Variants in CMIP observed in about 807,000 individuals in gnomAD.
CMIP encodes the protein c-Maf inducing protein.
Under a neutral mutation model 97.3 loss-of-function variants are expected in CMIP, and 13 were observed. The observed-to-expected ratio is 0.13, with a 90% CI of 0.09 to 0.21. The LOEUF is 0.21. Ranked by LOEUF, CMIP falls within the 10% of genes least tolerant of loss-of-function variation. CMIP has a pLI of 1.00. For missense variants in CMIP, 847 were observed against 1,024.9 expected (o/e 0.83, Z 2.37); for synonymous variants, 538 against 436.3 (o/e 1.23, Z -2.91).
intron 13 of CMIP, among the ~76,000 whole-genome samples, chr16:81,695,264 C>T (rs1003842672): frequency 1.3e-5 from 2 of 152,238 alleles, no homozygotes; most frequent in African/African-American, 4.8e-5. Context: ...TCTCCCTTCC[C>T]TTCTACCTTC....
chr16:81,609,230 C>T (rs1751525460), intron 2 of CMIP, among the ~76,000 whole-genome samples: 2 of 144,162 alleles, frequency 1.4e-5, no homozygotes, highest in African/African-American at 5.0e-5. Context: ...CTTTCTTTCT[C>T]TCCTCTCATC....
At chr16:81,500,018 T>C (rs1365399444) in intron 1 of CMIP, among the ~76,000 whole-genome samples, 2 of 152,134 alleles carry the variant, frequency 1.3e-5, no homozygotes, top group African/African-American at 4.8e-5. Flanking sequence ...CTTCCTTCTC[T>C]CTCCTGATGC....
At chr16:81,601,520 G>C (rs1183012992) in intron 1 of CMIP, among the ~76,000 whole-genome samples, 1 of 152,120 alleles carries the variant, frequency 6.6e-6, no homozygotes, top group Admixed American at 6.5e-5. Context: ...GTTCACATGG[G>C]ACCCTCATGA....
intron 1 of CMIP, among the ~76,000 whole-genome samples, chr16:81,509,483 C>G (rs574983197): frequency 6.6e-6 from 1 of 152,212 alleles, no homozygotes; most frequent in Non-Finnish European, 1.5e-5. Flanking sequence ...TCTGGCACCT[C>G]TCTGAGCTTC....
At chr16:81,637,306 C>T (rs1312608920) in intron 3 of CMIP, among the ~76,000 whole-genome samples, 1 of 152,180 alleles carries the variant, frequency 6.6e-6, no homozygotes, top group East Asian at 1.9e-4. Context: ...CTGCTGACCT[C>T]AGGTGATACA....
At chr16:81,562,981 G>A (rs556295231) in intron 1 of CMIP, among the ~76,000 whole-genome samples, 2 of 152,292 alleles carry the variant, frequency 1.3e-5, no homozygotes, top group South Asian at 2.1e-4. Context: ...GCTTTCTGCC[G>A]AGGGTTACAC....
chr16:81,601,605 C>G (rs2091658727), intron 1 of CMIP, among the ~76,000 whole-genome samples: 2 of 152,196 alleles, frequency 1.3e-5, no homozygotes, highest in Non-Finnish European at 2.9e-5. Flanking sequence ...CACCTGGAAA[C>G]AGGCAGAGGT....
intron 3 of CMIP, among the ~76,000 whole-genome samples, chr16:81,626,835 CTATTT>C (rs1013826282): frequency 9.1e-6 from 1 of 109,316 alleles, no homozygotes; most frequent in Admixed American, 9.8e-5. Context: ...TATGGGGTGA[CTATTT>C]TATGAGTGTG....
intron 1 of CMIP, among the ~76,000 whole-genome samples, chr16:81,552,508 G>A (rs2090678702): frequency 1.3e-5 from 2 of 152,132 alleles, no homozygotes; most frequent in South Asian, 4.1e-4. Context: ...TCAGCTTCTA[G>A]AGGCCACCTG....
intron 3 of CMIP, among the ~76,000 whole-genome samples, chr16:81,649,298 G>T (rs2092400734): frequency 6.6e-6 from 1 of 152,264 alleles, no homozygotes; most frequent in Admixed American, 6.5e-5. Context: ...GAAAGCTGTT[G>T]TCCTCCCCGC....
At chr16:81,640,770 G>GTGTGTGTGTGTGTC (rs376370488) in intron 3 of CMIP, among the ~76,000 whole-genome samples, 17,908 of 135,004 alleles carry the variant, frequency 0.13, 1,419 homozygotes, top group Middle Eastern at 0.18. Context: ...GTGTGTGTGT[G>GTGTGTGTGTGTGTC]TCTCTCTCTC....
intron 1 of CMIP, among the ~76,000 whole-genome samples, chr16:81,577,543 A>G (rs1345803219): frequency 7.1e-6 from 1 of 141,526 alleles, no homozygotes; most frequent in Non-Finnish European, 1.5e-5. Context: ...CATTACAACT[A>G]TATTATTATC....
intron 1 of CMIP, among the ~76,000 whole-genome samples, chr16:81,481,880 CTT>C (rs768919033): frequency 2.3e-4 from 31 of 136,522 alleles, no homozygotes; most frequent in Admixed American, 2.9e-4. Context: ...CCGCCTCCCT[CTT>C]TTTTTTTTTT....
rs201984837 is a variant in CMIP at position 81,573,350 on chromosome 16, T to TA, written c.301-34203dup. ...CAGAGCTAGACTCCATCTCAAAAAA[T>TA]AAAAAAAAAAAAAAGGCATGTTTTC... is the stretch of plus-strand genomic sequence containing the variant. On this transcript the variant is annotated intron_variant, in intron 1 of 20. Coordinates refer to ENST00000537098, the MANE Select transcript of CMIP (RefSeq NM_198390.3). Among the ~76,000 whole-genome samples, 351 of 116,678 alleles carry TA rather than the reference T, an allele frequency of 3.0e-3. 1 individual carries two copies. The highest frequency in any genetic ancestry group is 5.2e-3 in the South Asian group (19 of 3,682). 76.5% of individuals were successfully genotyped at this position (116,678 alleles called of 152,430 possible).
chr16:81,663,713 G>A (rs572271553), intron 6 of CMIP, among the ~76,000 whole-genome samples: 95 of 152,134 alleles, frequency 6.2e-4, no homozygotes, highest in Non-Finnish European at 1.1e-3. Context: ...TTGTTACACC[G>A]CACGGTCCTT....
rs182366022 is a variant in CMIP at position 81,507,501 on chromosome 16, G to T, written c.300+61960G>T. 3.9e-5 allele frequency among the ~76,000 whole-genome samples: 6 copies of T among 152,294 alleles called. No individual in the cohort carries two copies. In the East Asian group the frequency reaches 9.6e-4, roughly 24 times the overall value. On this transcript the variant is annotated intron_variant, in intron 1 of 20. Coordinates refer to ENST00000537098, the MANE Select transcript of CMIP (RefSeq NM_198390.3). ...TAACTAATATATAATTTAGAACATG[G>T]CTCATCTTCTTGGAATGAGCATTTT...
chr16:81,572,318 C>T (rs979809151), intron 1 of CMIP, among the ~76,000 whole-genome samples: 1 of 152,240 alleles, frequency 6.6e-6, no homozygotes, highest in African/African-American at 2.4e-5. Flanking sequence ...TTGGCCCTTG[C>T]CCTGTTTCTG....
In CMIP at chr16:81,614,820, T is replaced by C. The variant is rs578129512; in HGVS notation, c.427-6056T>C. ...CTGATATGTGTGTTTATATGTGGTA[T>C]GTATATGTGTATACGGTGTGTATGC... On this transcript the variant is annotated intron_variant, in intron 2 of 20. Coordinates refer to ENST00000537098, the MANE Select transcript of CMIP (RefSeq NM_198390.3). The surrounding 1 kb of genome is among the most constrained non-coding windows in gnomAD (Gnocchi z 5.3). Among the ~76,000 whole-genome samples, 1 of 151,688 alleles carries C rather than the reference T, an allele frequency of 6.6e-6. No homozygotes were observed. The highest frequency in any genetic ancestry group is 2.1e-4 in the South Asian group (1 of 4,796).
At chr16:81,680,807 C>G (rs1005474604) in intron 10 of CMIP, among the ~76,000 whole-genome samples, 5 of 152,338 alleles carry the variant, frequency 3.3e-5, no homozygotes, top group African/African-American at 9.6e-5. Context: ...GAGAGTGGCC[C>G]CGCTGTCCAC....
Sources: gnomAD v4.1 joint callset for allele counts (sites outside exome capture counted in the v4.1 genomes callset) on GRCh38, gnomAD v4.1.1 for gene constraint, Gnocchi (gnomAD v3.1) non-coding constraint, MANE v1.5 for transcripts, NCBI Gene and HGNC (gene_info 2026-07-23, HGNC 2026-07-21) for gene names.